Variants in PARD3 observed in about 807,000 individuals in gnomAD.
PARD3 encodes the protein par-3 family cell polarity regulator, also known as partitioning defective 3 homolog.
A neutral mutation model predicts 155.4 loss-of-function variants in PARD3; 75 were observed. That is an observed-to-expected ratio of 0.48 (90% CI 0.40 to 0.58). The LOEUF is 0.58. Ranked by LOEUF, PARD3 falls within the 20% of genes least tolerant of loss-of-function variation. The pLI is 0.00. For synonymous variants in PARD3, 576 were observed against 610.5 expected (o/e 0.94, Z 0.83); for missense variants, 1,642 against 1,721.7 (o/e 0.95, Z 0.82).
At chr10:34,251,311 A>C (rs1954292846) in intron 22 of PARD3, among the ~76,000 whole-genome samples, 3 of 152,202 alleles carry the variant, frequency 2.0e-5, no homozygotes, top group Non-Finnish European at 4.4e-5. Flanking sequence ...TTAGCTTTGA[A>C]ATGCCCTTAG....
At chr10:34,809,405 A>T (rs4934668) in intron 1 of PARD3, among the ~76,000 whole-genome samples, 53,652 of 151,954 alleles carry the variant, frequency 0.35, 10,621 homozygotes, top group African/African-American at 0.55. Context: ...CAAGCATCTG[A>T]GTCGGTACAG....
At chr10:34,489,858 CTATTA>C (rs1425038330) in intron 3 of PARD3, among the ~76,000 whole-genome samples, 1 of 152,168 alleles carries the variant, frequency 6.6e-6, no homozygotes, top group African/African-American at 2.4e-5. Flanking sequence ...AAAATAGGTT[CTATTA>C]TTATTCCCAT....
chr10:34,280,704 C>T (rs1409457879), intron 21 of PARD3, among the ~76,000 whole-genome samples: 4 of 152,110 alleles, frequency 2.6e-5, no homozygotes, highest in Non-Finnish European at 5.9e-5. Context: ...CAGGAGTCAA[C>T]GGTCTTTACT....
chr10:34,224,684 T>G (rs369988416), intron 22 of PARD3, among the ~76,000 whole-genome samples: 1 of 152,218 alleles, frequency 6.6e-6, no homozygotes, highest in Non-Finnish European at 1.5e-5. Flanking sequence ...TAGGGGGCCA[T>G]GAAACCCTCG....
At chr10:34,705,095 T>A (rs2094343277) in intron 1 of PARD3, among the ~76,000 whole-genome samples, 2 of 151,996 alleles carry the variant, frequency 1.3e-5, no homozygotes, top group South Asian at 2.1e-4. Context: ...AAAAAAAAAA[T>A]GAATCATTAG....
chr10:34,235,773 G>T (rs1465097730), intron 22 of PARD3, among the ~76,000 whole-genome samples: 1 of 152,118 alleles, frequency 6.6e-6, no homozygotes, highest in African/African-American at 2.4e-5. Context: ...TAATTGCTCT[G>T]GCTTTTGCAT....
intron 2 of PARD3, among the ~76,000 whole-genome samples, chr10:34,588,945 A>G (rs2088370363): frequency 6.6e-6 from 1 of 152,212 alleles, no homozygotes; most frequent in East Asian, 1.9e-4. Context: ...ATTAAAATAC[A>G]AAGTAGCACA....
intron 22 of PARD3, among the ~76,000 whole-genome samples, chr10:34,193,550 G>A (rs112744414): frequency 1.9e-4 from 29 of 152,078 alleles, no homozygotes; most frequent in Non-Finnish European, 2.4e-4. Context: ...GATGCCTCCC[G>A]ACAAATATTA....
chr10:34,448,408 T>C (rs1341179709), intron 5 of PARD3, among the ~76,000 whole-genome samples: 4 of 151,996 alleles, frequency 2.6e-5, no homozygotes, highest in East Asian at 1.9e-4. Context: ...AGGAAAAATA[T>C]TGGCCATAGG....
chr10:34,249,671 C>T (rs1954173691), intron 22 of PARD3, among the ~76,000 whole-genome samples: 1 of 152,142 alleles, frequency 6.6e-6, no homozygotes, highest in African/African-American at 2.4e-5. Context: ...AACCATATGT[C>T]CCCCACCCTG....
rs377027597 is a variant in PARD3, at chr10:34,269,919, T to C, written c.3177-20A>G. On this transcript the variant is annotated intron_variant, in intron 21 of 24. Coordinates refer to ENST00000374788, the MANE Select transcript of PARD3 (RefSeq NM_001184785.2). ...TGAATCCTATGAAATCAGAACAAAGTTGAAATAAGAGAAACCTTTCCTTTT... is the reference window on the plus strand; with the variant it reads ...TGAATCCTATGAAATCAGAACAAAGCTGAAATAAGAGAAACCTTTCCTTTT... 6.2e-6 allele frequency: 10 copies of C among 1,609,408 alleles called. No homozygotes were observed. Among genetic ancestry groups the C allele is most frequent in the Non-Finnish European group, 8.5e-6 (10 of 1,177,486 alleles).
At chr10:34,598,835 T>C (rs898812349) in intron 2 of PARD3, among the ~76,000 whole-genome samples, 7 of 152,172 alleles carry the variant, frequency 4.6e-5, no homozygotes, top group African/African-American at 9.7e-5. Context: ...AGATTCGGCA[T>C]ATCTTGGCAA....
chr10:34,351,459 A>G (rs1447153972), intron 14 of PARD3, among the ~76,000 whole-genome samples: 1 of 152,246 alleles, frequency 6.6e-6, no homozygotes, highest in African/African-American at 2.4e-5. Flanking sequence ...ACAAATATAC[A>G]TTCTGGAAAA....
chr10:34,197,751 GAC>G (rs1951015453), intron 22 of PARD3, among the ~76,000 whole-genome samples: 2 of 152,156 alleles, frequency 1.3e-5, no homozygotes, highest in South Asian at 2.1e-4. Context: ...TTTATTTTGA[GAC>G]ACAGTCTCAC....
Position 34,337,315 on chromosome 10 carries a change from A to T in PARD3, c.2520T>A (p.Asp840Glu), listed in dbSNP as rs780020610. Residue 840 changes from aspartate (D) to glutamate (E), a missense_variant, in exon 17 of 25, where the codon GAT becomes GAA. Around this residue, in one of 3 missense-constraint regions of PARD3, gnomAD observed 1,529 missense variants for 1,587.3 expected, o/e 0.96. Coordinates refer to ENST00000374788, the MANE Select transcript of PARD3 (RefSeq NM_001184785.2). ...TTTTTGATTTTCGTGTTTTAACGAA[A>T]TCCAATTGACTGGCATCTGAAAATT... ...TKQFSDASQL[D>E]FVKTRKSKSM... is the part of the protein sequence containing the mutation. 1 of 1,602,012 alleles carries T rather than the reference A, an allele frequency of 6.2e-7. No individual in the cohort carries two copies. Among genetic ancestry groups the T allele is most frequent in the South Asian group, 1.1e-5 (1 of 89,310 alleles).
intron 2 of PARD3, among the ~76,000 whole-genome samples, chr10:34,655,055 A>G (rs898352808): frequency 1.3e-5 from 2 of 151,074 alleles, no homozygotes; most frequent in Non-Finnish European, 2.9e-5. Context: ...CAACTTTTAC[A>G]GTAATAGTTG....
chr10:34,587,875 AG>A (rs773322386), intron 2 of PARD3, among the ~76,000 whole-genome samples: 4 of 152,206 alleles, frequency 2.6e-5, no homozygotes, highest in Non-Finnish European at 5.9e-5. Flanking sequence ...CACACAGCTC[AG>A]GGCTGGCTCC....
intron 20 of PARD3, among the ~76,000 whole-genome samples, chr10:34,289,722 G>A (rs1214100875): frequency 2.0e-5 from 3 of 152,086 alleles, no homozygotes; most frequent in Non-Finnish European, 4.4e-5. Context: ...TTAAATGTAT[G>A]GCTTTCTTCA....
rs1286794227 is a variant in PARD3, at chr10:34,167,936, T to C, written c.3420-36353A>G. 2.6e-5 allele frequency among the ~76,000 whole-genome samples: 4 copies of C among 152,192 alleles called. No individual in the cohort carries two copies. In the East Asian group the frequency reaches 5.8e-4, roughly 22 times the overall value. ...TATGTCCCCAAATCATGGACTACCA[T>C]GAACAAAAAAAAGGGTGACCTCTGG... On this transcript the variant is annotated intron_variant, in intron 22 of 24. Transcript: ENST00000374788.
Sources: gnomAD v4.1 joint callset for allele counts (sites outside exome capture counted in the v4.1 genomes callset) on GRCh38, gnomAD v4.1.1 for gene constraint, gnomAD v4.1.1 regional missense constraint, MANE v1.5 for transcripts, NCBI Gene and HGNC (gene_info 2026-07-23, HGNC 2026-07-21) for gene names.